The following YLPM1 variants were observed in gnomAD, a reference collection of about 807,000 sequenced individuals.
YLPM1 encodes YLP motif containing 1, also known as YLP motif-containing protein 1.
YLPM1 carries 99 observed loss-of-function variants against 230.0 expected under a neutral mutation model. That is an observed-to-expected ratio of 0.43 (90% CI 0.37 to 0.51). The LOEUF is 0.51. Ranked by LOEUF, YLPM1 falls within the 20% of genes least tolerant of loss-of-function variation. The pLI, the probability that YLPM1 is intolerant of heterozygous loss-of-function variation, is 0.00. For missense variants in YLPM1, 2,592 were observed against 2,707.7 expected (o/e 0.96, Z 0.95); for synonymous variants, 984 against 942.5 (o/e 1.04, Z -0.81).
chr14:74,818,270 C>G lies in YLPM1; in HGVS notation c.5986C>G (p.Arg1996Gly). ...HWETAPRHMM[R>G]LDIRSLLQDA... The stretch of plus-strand genomic sequence containing the variant: ...GGAAACTGCACCTCGTCACATGATG[C>G]GTCTAGATATTCGTTCTTTGCTGCA... The change falls in exon 16 of 21, where the codon CGT becomes GGT. Residue 1996 changes from arginine (R) to glycine (G), a missense_variant. This residue lies in a region of YLPM1 where 315 missense variants were observed against 429.3 expected (regional missense o/e 0.73). Coordinates refer to ENST00000325680, the MANE Select transcript of YLPM1 (RefSeq NM_019589.3). 2 of 1,605,372 alleles carry G rather than the reference C, an allele frequency of 1.2e-6. No individual in the cohort carries two copies. Among genetic ancestry groups the G allele is most frequent in the South Asian group, 1.1e-5 (1 of 89,044 alleles).
chr14:74,815,807 G>A (rs2091473966), intron 11 of YLPM1, among the ~76,000 whole-genome samples: 1 of 151,886 alleles, frequency 6.6e-6, no homozygotes, highest in Non-Finnish European at 1.5e-5. Context: ...TTCCTTTTAA[G>A]CACTGCTTTA....
chr14:74,829,961 T>C (rs866853625), intron 19 of YLPM1, among the ~76,000 whole-genome samples: 33 of 152,220 alleles, frequency 2.2e-4, no homozygotes, highest in African/African-American at 7.5e-4. Flanking sequence ...CAGGAAATGG[T>C]ATTTAAAACC....
chr14:74,769,291 A>G (rs1412949237), intron 1 of YLPM1, among the ~76,000 whole-genome samples: 8 of 33,130 alleles, frequency 2.4e-4, no homozygotes, highest in African/African-American at 5.2e-4. Flanking sequence ...TTTTTTTTGG[A>G]GACGAAGTCT....
rs2091098924 is a variant in YLPM1, at chr14:74,781,947, C to A, written c.1904C>A (p.Pro635His). ...SSATPPPGIPPPGVPQGIPPQ... is the reference protein window; with the variant it reads ...SSATPPPGIPHPGVPQGIPPQ... ...GCTACACCTCCTCCAGGAATACCTC[C>A]CCCTGGAGTTCCACAAGGGATACCT... The change falls in exon 4 of 21, where the codon CCC (proline) becomes CAC (histidine). Residue 635 changes from proline to histidine, a missense_variant. Transcript: ENST00000325680. 6.2e-7 allele frequency: 1 copy of A among 1,613,576 alleles called. No homozygotes were observed. Among genetic ancestry groups the A allele is most frequent in the South Asian group, 1.1e-5 (1 of 91,060 alleles).
intron 18 of YLPM1, among the ~76,000 whole-genome samples, chr14:74,824,932 T>C (rs1379795561): frequency 6.6e-6 from 1 of 152,132 alleles, no homozygotes; most frequent in Non-Finnish European, 1.5e-5. Flanking sequence ...AAAAAAGTCA[T>C]ACATATCCAA....
chr14:74,824,955 A>G (rs985138929), intron 18 of YLPM1, among the ~76,000 whole-genome samples: 2 of 152,112 alleles, frequency 1.3e-5, no homozygotes, highest in African/African-American at 4.8e-5. Flanking sequence ...GATTCCCTCT[A>G]TTATTTGTTG....
At chr14:74,818,147 T>C in intron 15 of YLPM1, 84 bp from the exon 16 acceptor site, 1 of 661,160 alleles carries the variant, frequency 1.5e-6, no homozygotes, top group Non-Finnish European at 2.3e-6. Flanking sequence ...TTTTAAAATA[T>C]TGTTAAATGT....
chr14:74,781,394 C>A lies in YLPM1; in HGVS notation c.1351C>A (p.Leu451Ile), dbSNP rs1212943732. ...GATGCAGCAGCAACAGTTTCAACAT[C>A]TTTACCAAGAATGGGAGCGAGAGTT... ...YEMQQQQFQH[L>I]YQEWEREFQL... Residue 451 changes from leucine (L) to isoleucine (I), a missense_variant, in exon 4 of 21, where the codon CTT becomes ATT. Coordinates refer to ENST00000325680, the MANE Select transcript of YLPM1 (RefSeq NM_019589.3). The A allele has an allele frequency of 6.3e-7, 1 of 1,594,528 alleles. No homozygotes were observed. The highest frequency in any genetic ancestry group is 2.3e-5 in the East Asian group (1 of 44,270).
chr14:74,815,070 C>CA (rs1454343501), intron 11 of YLPM1, among the ~76,000 whole-genome samples: 7 of 152,086 alleles, frequency 4.6e-5, no homozygotes, highest in Admixed American at 4.6e-4. Context: ...TCTCCTCCTT[C>CA]ATTTCTTTTT....
chr14:74,806,968 A>T (rs2091385571), intron 6 of YLPM1, among the ~76,000 whole-genome samples: 1 of 152,138 alleles, frequency 6.6e-6, no homozygotes, highest in Non-Finnish European at 1.5e-5. Context: ...AGATCTTAAG[A>T]TATTTAAAAC....
At position 74,782,398 on chromosome 14, in the gene YLPM1, G is replaced by T. The variant is rs1042766341; in HGVS notation, c.2282+73G>T. ...GACTTAGGCTATTTGGTTCTCGATG[G>T]TATAAAAAGCTTCATTTATACAATG... On this transcript the variant is annotated intron_variant, in intron 4 of 20. Transcript: ENST00000325680. 4.1e-6 allele frequency: 6 copies of T among 1,449,188 alleles called. No homozygotes were observed. The East Asian group carries it at 1.2e-4, about 29-fold the overall frequency. The allele number at this position is 1,449,188 out of a possible 1,614,324, so 89.8% of individuals were successfully genotyped here. A position where few individuals can be genotyped will look rare whatever the true frequency, so the allele number is the denominator to read the frequency against.
intron 1 of YLPM1, among the ~76,000 whole-genome samples, chr14:74,773,420 TA>T (rs1384014255): frequency 5.3e-5 from 8 of 152,272 alleles, no homozygotes; most frequent in Non-Finnish European, 1.2e-4. Context: ...AAGAAGCTGA[TA>T]AAGAATCTGG....
At chr14:74,822,403 T>C (rs2091528914) in intron 17 of YLPM1, among the ~76,000 whole-genome samples, 1 of 152,182 alleles carries the variant, frequency 6.6e-6, no homozygotes, top group African/African-American at 2.4e-5. Context: ...GAACTTTTAA[T>C]TGAATGTACT....
chr14:74,764,131 G>T lies in YLPM1; in HGVS notation c.642G>T (p.Ser214=). ...TPSYSSSSSS[S]QSYLSHSQSY... ...CTTACTCATCCTCCTCCTCTTCCTC[G>T]CAATCCTATTTGAGCCATTCCCAGT... Residue 214 remains serine, a synonymous_variant, in exon 1 of 21, where the codon TCG becomes TCT. Transcript: ENST00000325680. The T allele has an allele frequency of 6.2e-7, 1 of 1,612,348 alleles. No individual in the cohort carries two copies. Among genetic ancestry groups the T allele is most frequent in the Non-Finnish European group, 8.5e-7 (1 of 1,179,606 alleles).
intron 18 of YLPM1, among the ~76,000 whole-genome samples, chr14:74,825,673 C>G (rs1277979264): frequency 3.4e-4 from 51 of 152,134 alleles, no homozygotes; most frequent in Non-Finnish European, 8.8e-5. Context: ...ATGCCAAGAT[C>G]ATTTCTCTCT....
chr14:74,799,750 C>A, intron 5 of YLPM1, 53 bp downstream of exon 5: 1 of 1,500,906 alleles, frequency 6.7e-7, no homozygotes, highest in Non-Finnish European at 8.9e-7. Context: ...ATTCAGACTG[C>A]TCTTTTTAAA....
intron 1 of YLPM1, among the ~76,000 whole-genome samples, chr14:74,777,597 AT>A (rs1165865450): frequency 6.6e-6 from 1 of 152,006 alleles, no homozygotes; most frequent in Admixed American, 6.6e-5. Flanking sequence ...AACACAGCAT[AT>A]TCTCTTATAT....
intron 11 of YLPM1, among the ~76,000 whole-genome samples, chr14:74,814,212 T>C (rs539597939): frequency 6.6e-6 from 1 of 152,154 alleles, no homozygotes; most frequent in East Asian, 1.9e-4. Flanking sequence ...ATACAAAAAA[T>C]TAGCTGGGCG....
chr14:74,783,167 C>T (rs1373087724), intron 4 of YLPM1, among the ~76,000 whole-genome samples: 1 of 152,140 alleles, frequency 6.6e-6, no homozygotes, highest in Non-Finnish European at 1.5e-5. Flanking sequence ...TGGGTTCAAG[C>T]AGTCCTCCCA....
Sources: allele counts gnomAD v4.1 joint callset (sites outside exome capture counted in the v4.1 genomes callset), GRCh38; gene constraint gnomAD v4.1.1; regional missense constraint gnomAD v4.1.1; transcripts MANE v1.5; gene names NCBI Gene and HGNC (gene_info 2026-07-23, HGNC 2026-07-21).